The following PCID2 variants were observed in gnomAD, a reference collection of about 807,000 sequenced individuals.
The protein encoded by PCID2 is PCI domain-containing protein 2.
PCID2 carries 41 observed loss-of-function variants against 61.3 expected under a neutral mutation model. The ratio of observed to expected loss-of-function variants is 0.67; its 90% CI spans 0.52 to 0.87. PCID2 has a LOEUF of 0.87. Ranked by LOEUF, PCID2 falls within the 40% of genes least tolerant of loss-of-function variation. The pLI, the probability that PCID2 is intolerant of heterozygous loss-of-function variation, is 0.00. For missense variants in PCID2, 392 were observed against 493.4 expected, an observed-to-expected ratio of 0.79 and a Z score of 1.95; for synonymous variants, 187 against 177.8, an observed-to-expected ratio of 1.05 and a Z score of -0.41.
intron 6 of PCID2, among the ~76,000 whole-genome samples, chr13:113,194,796 C>T (rs1268426131): frequency 6.6e-6 from 1 of 152,152 alleles, no homozygotes; most frequent in African/African-American, 2.4e-5. Flanking sequence ...TTGTTCCACT[C>T]ACTTCATAAA....
At chr13:113,201,931 A>G (rs2039466071) in intron 1 of PCID2, among the ~76,000 whole-genome samples, 2 of 152,166 alleles carry the variant, frequency 1.3e-5, no homozygotes, top group Non-Finnish European at 2.9e-5. Flanking sequence ...ATTTTATGCT[A>G]ACACAAGACT....
At chr13:113,169,165 G>A in the PCID2 span, among the ~76,000 whole-genome samples, 3 of 152,068 alleles carry the variant, frequency 2.0e-5, no homozygotes, top group African/African-American at 2.4e-5. Flanking sequence ...CGTTCTCTCC[G>A]TGTTTTACTT....
At chr13:113,203,257 T>C (rs986926643) in intron 1 of PCID2, among the ~76,000 whole-genome samples, 4 of 152,242 alleles carry the variant, frequency 2.6e-5, no homozygotes, top group African/African-American at 9.6e-5. Flanking sequence ...ATAGGAAAAC[T>C]ACAGCCATTC....
Position 113,190,845 on chromosome 13 carries a change from G to C in PCID2, c.467+27C>G, listed in dbSNP as rs894848101. On this transcript the variant is annotated intron_variant, in intron 7 of 13. Transcript: ENST00000337344. ...ATGAAAACACCACCAACAGCGTCTG[G>C]TGGTCGGTCCTCAAGTCCTTACTCA... 4.9e-6 allele frequency: 7 copies of C among 1,416,376 alleles called. No homozygotes were observed. The African/African-American group carries it at 9.9e-5, about 20-fold the overall frequency. The allele number at this position is 1,416,376 out of a possible 1,614,324, so 87.7% of individuals were successfully genotyped here. A position where few individuals can be genotyped will look rare whatever the true frequency, so the allele number is the denominator to read the frequency against.
chr13:113,196,200 C>T lies in PCID2; in HGVS notation c.289G>A (p.Ala97Thr). 1 of 1,602,528 alleles carries T rather than the reference C, an allele frequency of 6.2e-7. No individual in the cohort carries two copies. The highest frequency in any genetic ancestry group is 8.5e-7 in the Non-Finnish European group (1 of 1,171,298). The change falls in exon 5 of 14, where the codon GCC (alanine) becomes ACC (threonine). Residue 97 changes from alanine to threonine, a missense_variant. Ala to Thr is a moderately conservative substitution (Grantham distance 58). Around this residue, in one of 3 missense-constraint regions of PCID2, gnomAD observed 155 missense variants for 164.9 expected, o/e 0.94. Coordinates refer to ENST00000337344, the MANE Select transcript of PCID2 (RefSeq NM_001127202.4). ...IVQSFLRAFQ[A>T]HKEENWALPV... is the part of the protein sequence containing the mutation. ...ACTTACCAGTTTTCTTCTTTGTGGG[C>T]CTGGAATGCTCGCAAGAATGATGTA...
At chr13:113,171,354 A>C in the PCID2 span, among the ~76,000 whole-genome samples, 1 of 152,158 alleles carries the variant, frequency 6.6e-6, no homozygotes, top group Non-Finnish European at 1.5e-5. This position sits in a 1 kb window ranked among gnomAD's most constrained non-coding sequence, Gnocchi z 5.1. Flanking sequence ...CTGCACTCCA[A>C]AACAGAAGAA....
chr13:113,201,584 G>A (rs1394835214), intron 1 of PCID2, among the ~76,000 whole-genome samples: 1 of 152,084 alleles, frequency 6.6e-6, no homozygotes, highest in Non-Finnish European at 1.5e-5. Flanking sequence ...GGCCGAGGCG[G>A]GCAGATCATG....
chr13:113,179,212 T>C lies in PCID2; in HGVS notation c.987-123A>G. 2 of 649,934 alleles carry C rather than the reference T, an allele frequency of 3.1e-6. No homozygotes were observed. The highest frequency in any genetic ancestry group is 5.1e-6 in the Non-Finnish European group (2 of 392,834). The allele number at this position is 649,934 out of a possible 1,614,324, so 40.3% of individuals were successfully genotyped here. On this transcript the variant is annotated intron_variant, in intron 12 of 13. Coordinates refer to ENST00000337344, the MANE Select transcript of PCID2 (RefSeq NM_001127202.4). This position sits in a 1 kb window ranked among gnomAD's most constrained non-coding sequence, Gnocchi z 4.3. ...AGTAAAAAAATTCCCACCTATTAGATAAACTCTAAACTACACTCTCAGAGC... is the reference window on the plus strand; with the variant it reads ...AGTAAAAAAATTCCCACCTATTAGACAAACTCTAAACTACACTCTCAGAGC...
At chr13:113,208,409 G>A in intron 1 of PCID2, 190 bp downstream of exon 1, 1 of 1,480,822 alleles carries the variant, frequency 6.8e-7, no homozygotes, top group Non-Finnish European at 8.9e-7. Context: ...CCCTGCAGGG[G>A]AGAACTCGGG....
the PCID2 span, chr13:113,166,003 C>CA: frequency 6.6e-6 from 1 of 152,246 alleles, no homozygotes; most frequent in East Asian, 1.9e-4. Flanking sequence ...TATATCTTCA[C>CA]AAAATAGATA....
downstream of PCID2, among the ~76,000 whole-genome samples, chr13:113,176,538 A>AATTGCCGAGGCGGGGGG: frequency 2.0e-5 from 1 of 50,748 alleles, no homozygotes; most frequent in Non-Finnish European, 4.7e-5. Flanking sequence ...GAGGTGGGGG[A>AATTGCCGAGGCGGGGGG]ATTGCTTTAG....
downstream of PCID2, among the ~76,000 whole-genome samples, chr13:113,175,577 G>A (rs1231938408): frequency 6.6e-6 from 1 of 152,210 alleles, no homozygotes; most frequent in Non-Finnish European, 1.5e-5. Context: ...TGGGTAGCTA[G>A]AAAACAGATG....
intron 13 of PCID2, chr13:113,178,516 A>C (rs534209258): frequency 1.1e-4 from 54 of 472,948 alleles, no homozygotes; most frequent in African/African-American, 1.0e-3. Flanking sequence ...TGGGGAAAAA[A>C]AATGCATCTG....
intron 4 of PCID2, 44 bp downstream of exon 4, chr13:113,197,134 C>T: frequency 6.2e-7 from 1 of 1,614,160 alleles, no homozygotes; most frequent in South Asian, 1.1e-5. Flanking sequence ...TAATCCACTG[C>T]ATGTGTTCTA....
chr13:113,196,293 A>C, intron 4 of PCID2, 71 bp from the exon 5 acceptor site: 1 of 1,225,800 alleles, frequency 8.2e-7, no homozygotes, highest in South Asian at 1.3e-5. Context: ...AAAGAATAAG[A>C]ATCTAAATTT....
At chr13:113,173,473 C>G (rs1285104188), downstream of PCID2, among the ~76,000 whole-genome samples, 1 of 152,230 alleles carries the variant, frequency 6.6e-6, no homozygotes, top group Non-Finnish European at 1.5e-5. Context: ...GCAGAGAGGA[C>G]TTTTAAAAAG....
intron 8 of PCID2, 41 bp from the exon 9 acceptor site, chr13:113,184,528 C>A (rs1254284838): frequency 1.6e-6 from 2 of 1,277,754 alleles, no homozygotes; most frequent in Non-Finnish European, 2.3e-6. Context: ...TTAAAAACAA[C>A]AAAAACAGGT....
chr13:113,169,117 A>C, the PCID2 span, among the ~76,000 whole-genome samples: 1 of 152,000 alleles, frequency 6.6e-6, no homozygotes, highest in Non-Finnish European at 1.5e-5. Context: ...TTGAAATCCC[A>C]TAGCTCAGAG....
chr13:113,172,751 G>A (rs1482406008), downstream of PCID2, among the ~76,000 whole-genome samples: 1 of 152,192 alleles, frequency 6.6e-6, no homozygotes, highest in Non-Finnish European at 1.5e-5. Context: ...GGAAGGTTCC[G>A]GGGCCCGAAG....
Sources: gnomAD v4.1 joint callset for allele counts (sites outside exome capture counted in the v4.1 genomes callset) on GRCh38, gnomAD v4.1.1 for gene constraint, gnomAD v4.1.1 regional missense constraint, Gnocchi (gnomAD v3.1) non-coding constraint, MANE v1.5 for transcripts, NCBI Gene and HGNC (gene_info 2026-07-23, HGNC 2026-07-21) for gene names.